Variants in UPF3B observed in about 807,000 individuals in gnomAD.
The protein encoded by UPF3B is regulator of nonsense transcripts 3B.
UPF3B carries 7 observed loss-of-function variants against 40.3 expected under a neutral mutation model. That is an observed-to-expected ratio of 0.17 (90% CI 0.10 to 0.33). UPF3B has a LOEUF of 0.33. UPF3B is among the 10% of genes least tolerant of loss of function. The probability of loss-of-function intolerance (pLI) is 1.00; values close to 1 mark genes in which losing one functional copy is unlikely to be tolerated. For missense variants in UPF3B, 229 were observed against 358.9 expected (o/e 0.64, Z 2.93); for synonymous variants, 117 against 117.3 (o/e 1.00, Z 0.01).
chrX:119,852,292 T>C (rs1227790345), intron 1 of UPF3B, among the ~76,000 whole-genome samples: 3 of 111,726 alleles, frequency 2.7e-5, no homozygotes, highest in Non-Finnish European at 5.6e-5. Context: ...TCCTTGCCCA[T>C]TGAACTTAAG....
chrX:119,829,882 CATTAGTTCACTA>C (rs1398229475), downstream of UPF3B, among the ~76,000 whole-genome samples: 1 of 111,731 alleles, frequency 9.0e-6, no homozygotes, highest in Admixed American at 9.6e-5. Context: ...TCATCAGTTT[CATTAGTTCACTA>C]ATGAAATCAC....
At chrX:119,851,154 G>A (rs191072974) in intron 3 of UPF3B, among the ~76,000 whole-genome samples, 4 of 112,288 alleles carry the variant, frequency 3.6e-5, no homozygotes, top group African/African-American at 1.3e-4. Flanking sequence ...GTTTGTCCTC[G>A]AAGCAAAATA....
intron 5 of UPF3B, among the ~76,000 whole-genome samples, chrX:119,842,576 T>TCACACACACACA (rs1491435021): frequency 1.4e-4 from 9 of 66,243 alleles, no homozygotes; most frequent in African/African-American, 8.0e-4. Context: ...CAAGACTCCA[T>TCACACACACACA]CTCTCACACA....
intron 4 of UPF3B, among the ~76,000 whole-genome samples, chrX:119,821,705 G>A (rs1323939654): frequency 9.0e-6 from 1 of 110,908 alleles, no homozygotes; most frequent in Non-Finnish European, 1.9e-5. Flanking sequence ...GGCTGAGGAA[G>A]GAGAATAATT....
intron 8 of UPF3B, among the ~76,000 whole-genome samples, chrX:119,840,286 G>A (rs145469298): frequency 3.6e-5 from 4 of 111,402 alleles, no homozygotes; most frequent in Non-Finnish European, 7.5e-5. Flanking sequence ...AAGATACTAC[G>A]GGAGTCATGT....
chrX:119,841,639 A>G lies in UPF3B; in HGVS notation c.624+96T>C. 1.9e-5 allele frequency: 17 copies of G among 875,535 alleles called. No individual in the cohort carries two copies. In the South Asian group the frequency reaches 3.1e-4, roughly 16 times the overall value. 72.2% of individuals were successfully genotyped at this position (875,535 alleles called of 1,213,427 possible). On this transcript the variant is annotated intron_variant, in intron 6 of 10. Coordinates refer to ENST00000276201, the MANE Select transcript of UPF3B (RefSeq NM_080632.3). ...AAGAGTAATGGTGGAAAAAGCAGCT[A>G]TTTCTCCTCTAGAAACCCAATGCTC... is the stretch of plus-strand genomic sequence containing the variant.
Position 119,851,748 on chromosome X carries a change from C to CTTTTTTTATTTTTT in UPF3B, c.263+18_263+19insAAAAAATAAAAAAA. 1.8e-6 allele frequency: 1 copy of CTTTTTTTATTTTTT among 565,645 alleles called. No homozygotes were observed. Among genetic ancestry groups the CTTTTTTTATTTTTT allele is most frequent in the Non-Finnish European group, 2.4e-6 (1 of 411,754 alleles). 46.6% of individuals were successfully genotyped at this position (565,645 alleles called of 1,213,427 possible). ...GAAACCTTTTTCATTTACCCCTTTC[C>CTTTTTTTATTTTTT]TTTTTTTTTTTTTTTTACCTCGTAT... On this transcript the variant is annotated intron_variant, in intron 2 of 10. Coordinates refer to ENST00000276201, the MANE Select transcript of UPF3B (RefSeq NM_080632.3).
chrX:119,822,860 G>A lies in UPF3B; in HGVS notation c.494+82C>T, dbSNP rs761659649. 7.3e-4 allele frequency: 379 copies of A among 518,363 alleles called. 4 individuals are homozygous for A. The South Asian group carries it at 0.021, about 29-fold the overall frequency. 42.7% of individuals were successfully genotyped at this position (518,363 alleles called of 1,213,427 possible). ...TGACCTCAGGTGATCCACCCATATCGGCCTCCCAAAATGCTGGGATTACAG... is the reference window on the plus strand; with the variant it reads ...TGACCTCAGGTGATCCACCCATATCAGCCTCCCAAAATGCTGGGATTACAG... On this transcript the variant is annotated intron_variant, in intron 4 of 6. Transcript: ENST00000636792.
At chrX:119,808,785 G>T (rs5957255) in intron 5 of UPF3B, among the ~76,000 whole-genome samples, 12 of 111,798 alleles carry the variant, frequency 1.1e-4, no homozygotes, top group South Asian at 3.7e-4. Context: ...TCAGGAGAAT[G>T]GCTTCTCTTA....
At chrX:119,822,432 C>T in intron 4 of UPF3B, among the ~76,000 whole-genome samples, 1 of 113,062 alleles carries the variant, frequency 8.8e-6, no homozygotes, top group Non-Finnish European at 1.9e-5. Flanking sequence ...GAAGTCCTCA[C>T]TTGACATTTC....
intron 6 of UPF3B, among the ~76,000 whole-genome samples, chrX:119,805,795 A>G (rs1224380222): frequency 2.0e-5 from 2 of 99,725 alleles, no homozygotes; most frequent in African/African-American, 7.4e-5. Flanking sequence ...ACCATCTCAC[A>G]CCAGTTAGAA....
At chrX:119,812,252 TA>T (rs1192502720) in intron 5 of UPF3B, among the ~76,000 whole-genome samples, 43 of 102,012 alleles carry the variant, frequency 4.2e-4, no homozygotes, top group African/African-American at 1.4e-3. Flanking sequence ...GACTCTGTCT[TA>T]AAAAAAAAAG....
intron 3 of UPF3B, among the ~76,000 whole-genome samples, chrX:119,847,323 TGTAATCCCAGCTACTCAGGAGGCTGAG>T (rs1364269532): frequency 9.0e-6 from 1 of 111,411 alleles, no homozygotes; most frequent in Non-Finnish European, 1.9e-5. Flanking sequence ...GGTGGGCACC[TGTAATCCCAGCTACTCAGGAGGCTGAG>T]GCAGGAGAAT....
rs201112408 is a variant in UPF3B at position 119,845,279 on chromosome X, T to C, written c.388A>G (p.Ile130Val). 3.3e-5 allele frequency: 40 copies of C among 1,206,040 alleles called. No individual in the cohort carries two copies. Among genetic ancestry groups the C allele is most frequent in the Non-Finnish European group, 3.9e-5 (35 of 892,447 alleles). The change falls in exon 4 of 11, where the codon ATA becomes GTA. Residue 130 changes from isoleucine (I) to valine (V), a missense_variant. Coordinates refer to ENST00000276201, the MANE Select transcript of UPF3B (RefSeq NM_080632.3). ...TTTTGAAAAGGTGCAAATTCTACTATAGCGGGATATTCCTGACCTGTTTAG... is the reference window on the plus strand; with the variant it reads ...TTTTGAAAAGGTGCAAATTCTACTACAGCGGGATATTCCTGACCTGTTTAG... The part of the protein sequence containing the change: ...LDNKGQEYPA[I>V]VEFAPFQKAA...
At chrX:119,811,568 C>T (rs2055827755) in intron 5 of UPF3B, among the ~76,000 whole-genome samples, 1 of 107,709 alleles carries the variant, frequency 9.3e-6, no homozygotes, top group African/African-American at 3.4e-5. Flanking sequence ...ATCACTTGAA[C>T]CCCGGAGGCA....
intron 4 of UPF3B, among the ~76,000 whole-genome samples, chrX:119,816,468 C>G (rs1193854349): frequency 3.6e-5 from 4 of 111,480 alleles, no homozygotes; most frequent in Non-Finnish European, 5.6e-5. Flanking sequence ...GCCTGGCACA[C>G]AGTCAGTGAT....
At chrX:119,834,016 C>T (rs1369076506), downstream of UPF3B, 6 of 751,938 alleles carry the variant, frequency 8.0e-6, no homozygotes, top group Non-Finnish European at 9.4e-6. Flanking sequence ...AATAAACACA[C>T]TTAGCTTCAC....
At chrX:119,820,626 A>ATTTTTTTTT (rs370271993) in intron 4 of UPF3B, among the ~76,000 whole-genome samples, 1,933 of 90,037 alleles carry the variant, frequency 0.021, 68 homozygotes, top group African/African-American at 0.076. Flanking sequence ...AGCCTGGCCA[A>ATTTTTTTTT]TTTTTTTTTT....
chrX:119,848,341 A>C (rs6646496), intron 3 of UPF3B, among the ~76,000 whole-genome samples: 49,676 of 104,903 alleles, frequency 0.47, 9,298 homozygotes, highest in East Asian at 0.78. Flanking sequence ...ACATGGATAC[A>C]CCTTGAAGAT....
Sources: gnomAD v4.1 joint callset for allele counts (sites outside exome capture counted in the v4.1 genomes callset) on GRCh38, gnomAD v4.1.1 for gene constraint, MANE v1.5 for transcripts, NCBI Gene and HGNC (gene_info 2026-07-23, HGNC 2026-07-21) for gene names.